The following ARHGEF11 variants were observed in gnomAD, a reference collection of about 807,000 sequenced individuals.
ARHGEF11 encodes the protein Rho guanine nucleotide exchange factor 11.
ARHGEF11 carries 55 observed loss-of-function variants against 193.7 expected under a neutral mutation model. That is an observed-to-expected ratio of 0.28 (90% CI 0.23 to 0.36). The LOEUF (loss-of-function observed/expected upper bound fraction) is 0.36, where lower values mean the gene tolerates loss of function less well. Among genes scored for constraint, ARHGEF11 ranks in the 10% least tolerant of loss-of-function variants. The probability of loss-of-function intolerance (pLI) is 1.00; values close to 1 mark genes in which losing one functional copy is unlikely to be tolerated. For missense variants in ARHGEF11, 1,723 were observed against 2,005.6 expected (o/e 0.86, Z 2.69); for synonymous variants, 693 against 768.0 (o/e 0.90, Z 1.62).
At chr1:156,997,965 C>T (rs1007437679) in intron 1 of ARHGEF11, among the ~76,000 whole-genome samples, 3 of 152,096 alleles carry the variant, frequency 2.0e-5, no homozygotes, top group African/African-American at 7.2e-5. Context: ...ACCACACTTC[C>T]ACCTTCTCTC....
intron 1 of ARHGEF11, among the ~76,000 whole-genome samples, chr1:156,997,495 G>A (rs1666687754): frequency 6.6e-6 from 1 of 152,200 alleles, no homozygotes; most frequent in Non-Finnish European, 1.5e-5. Context: ...GGAAAGGCTG[G>A]AGGCCCAGAC....
intron 32 of ARHGEF11, among the ~76,000 whole-genome samples, chr1:156,943,499 A>G (rs1042468095): frequency 6.6e-6 from 1 of 152,180 alleles, no homozygotes; most frequent in Non-Finnish European, 1.5e-5. Context: ...CACACACTAC[A>G]CTTCTCATTG....
chr1:156,969,223 G>A, intron 10 of ARHGEF11, 59 bp downstream of exon 10: 1 of 1,456,632 alleles, frequency 6.9e-7, no homozygotes, highest in Non-Finnish European at 9.4e-7. Flanking sequence ...CAGAACTTGG[G>A]TCAAGGGAAG....
intron 1 of ARHGEF11, among the ~76,000 whole-genome samples, chr1:157,025,136 G>C (rs1037341853): frequency 6.6e-6 from 1 of 152,196 alleles, no homozygotes; most frequent in Non-Finnish European, 1.5e-5. Context: ...AGTAAAATCA[G>C]AGAGAAGGGG....
At chr1:156,968,633 G>A (rs1394059655) in intron 10 of ARHGEF11, among the ~76,000 whole-genome samples, 1 of 152,142 alleles carries the variant, frequency 6.6e-6, no homozygotes, top group African/African-American at 2.4e-5. Flanking sequence ...CTAAAATTAG[G>A]TTTTTAACAT....
intron 1 of ARHGEF11, among the ~76,000 whole-genome samples, chr1:156,996,857 C>A (rs1020439905): frequency 6.5e-5 from 7 of 107,806 alleles, no homozygotes; most frequent in African/African-American, 2.5e-4. Flanking sequence ...ACCTCTCTCT[C>A]TATTTTTTTT....
intron 7 of ARHGEF11, among the ~76,000 whole-genome samples, chr1:156,975,030 G>A (rs753440668): frequency 6.6e-6 from 1 of 152,112 alleles, no homozygotes; most frequent in Non-Finnish European, 1.5e-5. Flanking sequence ...TATATACCTG[G>A]GAGTGGAACT....
chr1:156,949,888 C>G (rs1218376973), intron 22 of ARHGEF11, among the ~76,000 whole-genome samples: 1 of 152,190 alleles, frequency 6.6e-6, no homozygotes, highest in Non-Finnish European at 1.5e-5. Context: ...ACAACAATCT[C>G]TGACCCACCA....
chr1:157,042,973 G>C (rs910607304), intron 1 of ARHGEF11, among the ~76,000 whole-genome samples: 1 of 152,172 alleles, frequency 6.6e-6, no homozygotes, highest in Non-Finnish European at 1.5e-5. Flanking sequence ...AAGGAGGAAG[G>C]AGGTCTGAAC....
chr1:157,021,962 T>C (rs779783810), intron 1 of ARHGEF11, among the ~76,000 whole-genome samples: 4 of 152,182 alleles, frequency 2.6e-5, no homozygotes, highest in African/African-American at 7.2e-5. Flanking sequence ...ATCATCTCAA[T>C]AGATGTAAAA....
intron 1 of ARHGEF11, 143 bp from the exon 2 acceptor site, chr1:156,986,316 A>C: frequency 1.6e-6 from 1 of 612,622 alleles, no homozygotes; most frequent in South Asian, 1.9e-5. Flanking sequence ...ATCTGGTAGG[A>C]CATTAGCCAT....
At chr1:157,007,574 G>C (rs1667978983) in intron 1 of ARHGEF11, among the ~76,000 whole-genome samples, 1 of 152,072 alleles carries the variant, frequency 6.6e-6, no homozygotes, top group African/African-American at 2.4e-5. Context: ...GGCGGGGGGA[G>C]GAGTATGTGC....
chr1:156,955,585 A>C (rs1047412079), intron 20 of ARHGEF11, 118 bp downstream of exon 20: 11 of 779,844 alleles, frequency 1.4e-5, no homozygotes, highest in Non-Finnish European at 2.5e-5. Context: ...CTGTGGTCTG[A>C]GTTTGGGCCT....
At position 156,955,889 on chromosome 1, in the gene ARHGEF11, G is replaced by C. The variant is rs1184857023; in HGVS notation, c.1672-90C>G. 4 of 990,636 alleles carry C rather than the reference G, an allele frequency of 4.0e-6. No individual in the cohort carries two copies. In the African/African-American group the frequency reaches 6.4e-5, roughly 16 times the overall value. The allele number at this position is 990,636 out of a possible 1,614,324, so 61.4% of individuals were successfully genotyped here. On this transcript the variant is annotated intron_variant, in intron 19 of 40. Coordinates refer to ENST00000368194, the MANE Select transcript of ARHGEF11 (RefSeq NM_198236.3). ...ATTCTGCCACTGTCCCCCAAGGCTGGCCCTCAGCAAGTAACTGGAGAGCTG... is the reference window on the plus strand; with the variant it reads ...ATTCTGCCACTGTCCCCCAAGGCTGCCCCTCAGCAAGTAACTGGAGAGCTG...
At chr1:156,964,195 C>T (rs1219080385) in intron 11 of ARHGEF11, among the ~76,000 whole-genome samples, 3 of 152,196 alleles carry the variant, frequency 2.0e-5, no homozygotes, top group Non-Finnish European at 2.9e-5. Context: ...ATCCCCATTA[C>T]CTGTCTAAAA....
At position 156,946,037 on chromosome 1, in the gene ARHGEF11, G is replaced by A; in HGVS notation, c.2812+8C>T. ...TGCCTGTGATGCCAGCCCCTCCCCA[G>A]GTGCTACCCTCTGTGTGCTTGATGA... is the stretch of plus-strand genomic sequence containing the variant. On this transcript the variant is annotated splice_region_variant and intron_variant, in intron 29 of 40. Transcript: ENST00000368194. The A allele has an allele frequency of 6.2e-7, 1 of 1,606,308 alleles. No individual in the cohort carries two copies. Among genetic ancestry groups the A allele is most frequent in the Non-Finnish European group, 8.5e-7 (1 of 1,174,018 alleles).
Position 156,935,921 on chromosome 1 carries a change from C to T in ARHGEF11, c.*79G>A. The T allele has an allele frequency of 4.1e-6, 6 of 1,457,460 alleles. No homozygotes were observed. Among genetic ancestry groups the T allele is most frequent in the Non-Finnish European group, 5.6e-6 (6 of 1,074,616 alleles). 90.3% of individuals were successfully genotyped at this position (1,457,460 alleles called of 1,614,324 possible). A position where few individuals can be genotyped will look rare whatever the true frequency, so the allele number is the denominator to read the frequency against. ...CCTCCACAGGGAGGAGTGTTGGGAT[C>T]CCCCCTACCCTGTGCCCCGGTCTCA... On this transcript the variant is annotated 3_prime_UTR_variant, in exon 41 of 41. Transcript: ENST00000368194.
At chr1:157,035,528 C>T (rs1671809322) in intron 1 of ARHGEF11, among the ~76,000 whole-genome samples, 1 of 151,872 alleles carries the variant, frequency 6.6e-6, no homozygotes, top group Non-Finnish European at 1.5e-5. Context: ...GCCTCAGCCT[C>T]CCGAGTAGCT....
At position 156,978,287 on chromosome 1, in the gene ARHGEF11, G is replaced by T. The variant is rs370156269; in HGVS notation, c.427C>A (p.Arg143=). The change falls in exon 6 of 41, where the codon CGA becomes AGA. Residue 143 remains arginine (R), a synonymous_variant. Coordinates refer to ENST00000368194, the MANE Select transcript of ARHGEF11 (RefSeq NM_198236.3). ...GGTGAGGGGATCACTGACGTGATTCGGGGAGCTCCTGCTGGGGATGGGTCC... is the reference window on the plus strand; with the variant it reads ...GGTGAGGGGATCACTGACGTGATTCTGGGAGCTCCTGCTGGGGATGGGTCC... ...QQDPSPAGAP[R]ITSVIPSPPP... 6.2e-6 allele frequency: 10 copies of T among 1,614,106 alleles called. No individual in the cohort carries two copies. Among genetic ancestry groups the T allele is most frequent in the Non-Finnish European group, 6.8e-6 (8 of 1,180,012 alleles).
Sources: allele counts gnomAD v4.1 joint callset (sites outside exome capture counted in the v4.1 genomes callset), GRCh38; gene constraint gnomAD v4.1.1; transcripts MANE v1.5; gene names NCBI Gene and HGNC (gene_info 2026-07-23, HGNC 2026-07-21).